ADPRHL1: variants seen among roughly 807,000 people sequenced by gnomAD.
ADPRHL1 encodes inactive ADP-ribosyltransferase ARH2.
Under a neutral mutation model 44.1 loss-of-function variants are expected in ADPRHL1, and 43 were observed. That is an observed-to-expected ratio of 0.98 (90% CI 0.76 to 1.26). ADPRHL1 has a LOEUF of 1.26. Ranked by LOEUF, ADPRHL1 falls within the 50% of genes most tolerant of loss-of-function variation. The probability of loss-of-function intolerance (pLI) is 0.00; values close to 1 mark genes in which losing one functional copy is unlikely to be tolerated. For synonymous variants in ADPRHL1, 878 were observed against 1,017.4 expected (o/e 0.86, Z 2.61); for missense variants, 2,022 against 2,496.9 (o/e 0.81, Z 4.05).
chr13:113,405,422 G>C lies in ADPRHL1; in HGVS notation c.3860C>G (p.Pro1287Arg). 1 of 1,231,962 alleles carries C rather than the reference G, an allele frequency of 8.1e-7. No individual in the cohort carries two copies. The allele number at this position is 1,231,962 out of a possible 1,614,324, so 76.3% of individuals were successfully genotyped here. ...CTGTGGGTTCTCAGGAGGCGACGGC[G>C]GGAGGCCAGGGCCATAGCTGGGGGA... ...AESPSYGPGL[P>R]PSPPENPQAK... Residue 1287 changes from proline to arginine, a missense_variant, in exon 8 of 8, where the codon CCG (proline) becomes CGG (arginine). By Grantham distance (103) the Pro-to-Arg change is moderately radical. This residue lies in a region of ADPRHL1 where 1,221 missense variants were observed against 1,517.8 expected (regional missense o/e 0.80). Transcript: ENST00000612156.
rs1187298922 is a variant in ADPRHL1, at chr13:113,407,742, C to T, written c.1540G>A (p.Glu514Lys). ...NILKIFLAAEEKEAKEKEARE... is the reference protein window; with the variant it reads ...NILKIFLAAEKKEAKEKEARE... ...GCTTCTTTCTCCTTCGCCTCCTTCT[C>T]CTCGGCGGCCAAGAATATCTTCAGG... The change falls in exon 8 of 8, where the codon GAG becomes AAG. Residue 514 changes from glutamate to lysine, a missense_variant. Around this residue, in one of 8 missense-constraint regions of ADPRHL1, gnomAD observed 1,221 missense variants for 1,517.8 expected, o/e 0.80. Transcript: ENST00000612156. 1.2e-5 allele frequency: 15 copies of T among 1,232,112 alleles called. No individual in the cohort carries two copies. The highest frequency in any genetic ancestry group is 1.5e-5 in the Non-Finnish European group (15 of 988,030). The allele number at this position is 1,232,112 out of a possible 1,614,324, so 76.3% of individuals were successfully genotyped here.
intron 4 of ADPRHL1, among the ~76,000 whole-genome samples, chr13:113,425,804 CT>C (rs1378265015): frequency 6.6e-6 from 1 of 152,012 alleles, no homozygotes; most frequent in Non-Finnish European, 1.5e-5. Context: ...CCTCAGCCTC[CT>C]GAGTAGCTGC....
intron 2 of ADPRHL1, among the ~76,000 whole-genome samples, chr13:113,435,876 C>T (rs2044050403): frequency 2.3e-5 from 3 of 131,158 alleles, no homozygotes; most frequent in South Asian, 2.5e-4. Context: ...GTAGAGTGAA[C>T]ACAGGTGTAC....
intron 2 of ADPRHL1, among the ~76,000 whole-genome samples, chr13:113,434,216 A>G (rs992637727): frequency 6.6e-6 from 1 of 152,112 alleles, no homozygotes; most frequent in African/African-American, 2.4e-5. Flanking sequence ...ATAATGAAAC[A>G]TGCACGACCC....
Position 113,407,549 on chromosome 13 carries a change from CTCT to C in ADPRHL1, c.1730_1732del (p.Lys577del). ...GTGCATCCTCTTCCTCTGCAGGTTC[CTCT>C]TCTTCCGCTCCTGCGTGTGCAGCCT... On this transcript the variant is annotated inframe_deletion, in exon 8 of 8. Coordinates refer to ENST00000612156, the MANE Select transcript of ADPRHL1 (RefSeq NM_001394807.1). 8.1e-7 allele frequency: 1 copy of C among 1,232,260 alleles called. No individual in the cohort carries two copies. Among genetic ancestry groups the C allele is most frequent in the South Asian group, 4.1e-5 (1 of 24,330 alleles). The allele number at this position is 1,232,260 out of a possible 1,614,324, so 76.3% of individuals were successfully genotyped here. A position where few individuals can be genotyped will look rare whatever the true frequency, so the allele number is the denominator to read the frequency against.
chr13:113,444,338 T>C (rs2044120800), intron 2 of ADPRHL1, 87 bp downstream of exon 2: 2 of 1,523,500 alleles, frequency 1.3e-6, no homozygotes, highest in Non-Finnish European at 1.8e-6. Context: ...CACCTGGAGA[T>C]GCTGGGGGTT....
At chr13:113,424,004 T>G (rs1294461907) in intron 6 of ADPRHL1, among the ~76,000 whole-genome samples, 2 of 152,216 alleles carry the variant, frequency 1.3e-5, no homozygotes, top group Non-Finnish European at 2.9e-5. Flanking sequence ...ACCTGTATCC[T>G]GTAATGTCCT....
Position 113,405,630 on chromosome 13 carries a change from G to A in ADPRHL1, c.3652C>T (p.Leu1218Phe). The change falls in exon 8 of 8, where the codon CTC (leucine) becomes TTC (phenylalanine). Residue 1218 changes from leucine (L) to phenylalanine (F), a missense_variant. By Grantham distance (22) the Leu-to-Phe change is conservative (BLOSUM62 0). Coordinates refer to ENST00000612156, the MANE Select transcript of ADPRHL1 (RefSeq NM_001394807.1). ...LARHPEDAAA[L>F]ARHPEAARLY... ...CGGGCCGCCTCTGGGTGCCGGGCGA[G>A]GGCCGCAGCATCCTCCGGGTGGCGG... 3.2e-6 allele frequency: 4 copies of A among 1,232,868 alleles called. No individual in the cohort carries two copies. The highest frequency in any genetic ancestry group is 3.2e-5 in the East Asian group (1 of 31,738). The allele number at this position is 1,232,868 out of a possible 1,614,324, so 76.4% of individuals were successfully genotyped here. A position where few individuals can be genotyped will look rare whatever the true frequency, so the allele number is the denominator to read the frequency against.
rs778093480 is a variant in ADPRHL1, at chr13:113,453,380, T to C, written c.58A>G (p.Arg20Gly). The C allele has an allele frequency of 6.8e-6, 11 of 1,614,172 alleles. No individual in the cohort carries two copies. Among genetic ancestry groups the C allele is most frequent in the Non-Finnish European group, 7.6e-6 (9 of 1,180,030 alleles). ...GTGCTGTTCTCCTTGCAGACATTTC[T>C]GTAGCCAAGAGCATCGCCGACGCTC... The part of the protein sequence containing the change: ...LGSVGDALGY[R>G]NVCKENSTVG... The change falls in exon 1 of 8, where the codon AGA becomes GGA. Residue 20 changes from arginine to glycine, a missense_variant. Arg to Gly is a moderately radical substitution (Grantham distance 125, BLOSUM62 -2). Transcript: ENST00000612156. This position sits in a 1 kb window ranked among gnomAD's most constrained non-coding sequence, Gnocchi z 5.4.
chr13:113,404,745 G>A lies in ADPRHL1; in HGVS notation c.4537C>T (p.Gln1513Ter), dbSNP rs2043793960. Residue 1513 changes from glutamine to a stop codon, truncating the protein, a stop_gained, in exon 8 of 8, where the codon CAG becomes TAG. Transcript: ENST00000612156. LOFTEE classifies it low-confidence loss of function (END_TRUNC). ...TGTGCCTGCCCCTGGGCCTCTATCT[G>A]GGTCTGCCACTGGGCCTGTTCTTGA... ...HAQEQAQWQT[Q>*]IEAQGQAQEQ... 7.8e-7 allele frequency: 1 copy of A among 1,275,648 alleles called. No individual in the cohort carries two copies. Among genetic ancestry groups the A allele is most frequent in the South Asian group, 3.0e-5 (1 of 33,358 alleles). 79.0% of individuals were successfully genotyped at this position (1,275,648 alleles called of 1,614,324 possible). A position where few individuals can be genotyped will look rare whatever the true frequency, so the allele number is the denominator to read the frequency against.
intron 1 of ADPRHL1, among the ~76,000 whole-genome samples, chr13:113,446,320 G>A (rs538711027): frequency 1.2e-3 from 181 of 151,802 alleles, no homozygotes; most frequent in African/African-American, 4.2e-3. Flanking sequence ...CCCCATGGCT[G>A]TGAACCCCCC....
In ADPRHL1 at chr13:113,405,930, C is replaced by T; in HGVS notation, c.3352G>A (p.Gly1118Arg). Residue 1118 changes from glycine to arginine, a missense_variant, in exon 8 of 8, where the codon GGG becomes AGG. Gly to Arg is a moderately radical substitution (Grantham distance 125). This residue lies in a region of ADPRHL1 where 1,221 missense variants were observed against 1,517.8 expected (regional missense o/e 0.80). Coordinates refer to ENST00000612156, the MANE Select transcript of ADPRHL1 (RefSeq NM_001394807.1). Reference sequence around the variant, plus strand: ...GGCGTGGCGCGGCTCGCAACGCTCCCTGCAGCTGCCATCGCCCCACAGGCT... The same window carrying T: ...GGCGTGGCGCGGCTCGCAACGCTCCTTGCAGCTGCCATCGCCCCACAGGCT... Reference protein sequence around the residue: ...MKACGAMAAAGSVASRATPAP... With the variant: ...MKACGAMAAARSVASRATPAP... 1 of 1,232,066 alleles carries T rather than the reference C, an allele frequency of 8.1e-7. No homozygotes were observed. The highest frequency in any genetic ancestry group is 1.0e-6 in the Non-Finnish European group (1 of 988,058). The allele number at this position is 1,232,066 out of a possible 1,614,324, so 76.3% of individuals were successfully genotyped here. A position where few individuals can be genotyped will look rare whatever the true frequency, so the allele number is the denominator to read the frequency against.
chr13:113,452,880 G>C (rs542280911), intron 1 of ADPRHL1, among the ~76,000 whole-genome samples: 17 of 152,186 alleles, frequency 1.1e-4, no homozygotes, highest in African/African-American at 4.1e-4. Context: ...CAGCACGGCC[G>C]AGAGAGGCTT....
chr13:113,413,158 C>T (rs1195117129), intron 7 of ADPRHL1, among the ~76,000 whole-genome samples: 5 of 149,444 alleles, frequency 3.3e-5, no homozygotes, highest in Non-Finnish European at 5.9e-5. Context: ...CCGCCAACAG[C>T]GCCTCGCAGA....
intron 7 of ADPRHL1, among the ~76,000 whole-genome samples, chr13:113,416,076 C>T (rs1254952280): frequency 6.6e-6 from 1 of 151,636 alleles, no homozygotes; most frequent in Non-Finnish European, 1.5e-5. Flanking sequence ...ATCCCCTCCC[C>T]AGCAGCTTCT....
chr13:113,432,700 G>C (rs1020168648), intron 3 of ADPRHL1, among the ~76,000 whole-genome samples: 2 of 149,846 alleles, frequency 1.3e-5, no homozygotes, highest in Non-Finnish European at 3.0e-5. Context: ...CGTGTTGATC[G>C]AAGGCCGGTT....
At position 113,441,850 on chromosome 13, in the gene ADPRHL1, G is replaced by A. The variant is rs151104965; in HGVS notation, c.379+2575C>T. 8.4e-4 allele frequency among the ~76,000 whole-genome samples: 128 copies of A among 152,164 alleles called. No homozygotes were observed. In the South Asian group the frequency reaches 0.011, roughly 13 times the overall value. On this transcript the variant is annotated intron_variant, in intron 2 of 7. Coordinates refer to ENST00000612156, the MANE Select transcript of ADPRHL1 (RefSeq NM_001394807.1). The surrounding 1 kb of genome is among the most constrained non-coding windows in gnomAD (Gnocchi z 6.0). Reference sequence around the variant, plus strand: ...TCTCTGTCACGTTGTGTCCCGCCGCGTGGGTCCGTGTCACTATCACACTCT... The same window carrying A: ...TCTCTGTCACGTTGTGTCCCGCCGCATGGGTCCGTGTCACTATCACACTCT...
Position 113,409,511 on chromosome 13 carries a change from A to G in ADPRHL1, c.1062-1291T>C, listed in dbSNP as rs2043835351. 1.0e-6 allele frequency: 1 copy of G among 985,268 alleles called. No homozygotes were observed. 61.0% of individuals were successfully genotyped at this position (985,268 alleles called of 1,614,324 possible). A position where few individuals can be genotyped will look rare whatever the true frequency, so the allele number is the denominator to read the frequency against. On this transcript the variant is annotated intron_variant, in intron 7 of 7. Coordinates refer to ENST00000612156, the MANE Select transcript of ADPRHL1 (RefSeq NM_001394807.1). This position sits in a 1 kb window ranked among gnomAD's most constrained non-coding sequence, Gnocchi z 4.2. ...GGCGGCCGCACAATGGCACGTCCAC[A>G]TTTGTGGGAGAAGAGTCGGTGGCCG...
In ADPRHL1 at chr13:113,444,486, G is replaced by A; in HGVS notation, c.318C>T (p.Gly106=). 6.2e-7 allele frequency: 1 copy of A among 1,614,220 alleles called. No individual in the cohort carries two copies. The highest frequency in any genetic ancestry group is 8.5e-7 in the Non-Finnish European group (1 of 1,180,038). ...ERRPDPATIE[G]CAQLKPNNYL... Reference sequence around the variant, plus strand: ...AGTTATTGGGCTTTAGCTGAGCACAGCCTTCAATGGTAGCTGGGTCTGGCC... The same window carrying A: ...AGTTATTGGGCTTTAGCTGAGCACAACCTTCAATGGTAGCTGGGTCTGGCC... Residue 106 remains glycine (G), a synonymous_variant, in exon 2 of 8, where the codon GGC becomes GGT. Transcript: ENST00000612156.
Sources: gnomAD v4.1 joint callset for allele counts (sites outside exome capture counted in the v4.1 genomes callset) on GRCh38, gnomAD v4.1.1 for gene constraint, gnomAD v4.1.1 regional missense constraint, Gnocchi (gnomAD v3.1) non-coding constraint, MANE v1.5 for transcripts, NCBI Gene and HGNC (gene_info 2026-07-23, HGNC 2026-07-21) for gene names.